Variants in CACNB2 observed in about 807,000 individuals in gnomAD.
CACNB2 encodes voltage-dependent L-type calcium channel subunit beta-2.
A neutral mutation model predicts 73.3 loss-of-function variants in CACNB2; 42 were observed. The observed-to-expected ratio is 0.57, with a 90% CI of 0.45 to 0.74. The LOEUF is 0.74. CACNB2 is among the 30% of genes least tolerant of loss of function. CACNB2 has a pLI of 0.00. For missense variants in CACNB2, 940 were observed against 853.0 expected (o/e 1.10, Z -1.27); for synonymous variants, 348 against 310.3 (o/e 1.12, Z -1.28).
chr10:18,414,583 C>A (rs1168306667), intron 3 of CACNB2, among the ~76,000 whole-genome samples: 2 of 148,276 alleles, frequency 1.3e-5, no homozygotes, highest in Non-Finnish European at 1.5e-5. Context: ...CTCCCGAGTT[C>A]AAGCAATTCT....
At chr10:18,152,403 C>G (rs576822206) in intron 2 of CACNB2, among the ~76,000 whole-genome samples, 8 of 152,152 alleles carry the variant, frequency 5.3e-5, no homozygotes, top group Non-Finnish European at 1.2e-4. Flanking sequence ...AAAGATGAAG[C>G]CACGTGAGGC....
In CACNB2 at chr10:18,250,532, TC is replaced by T. The variant is rs1204429567; in HGVS notation, c.213+99558del. 7.6e-4 allele frequency among the ~76,000 whole-genome samples: 108 copies of T among 142,234 alleles called. 1 individual carries two copies. The highest frequency in any genetic ancestry group is 2.6e-3 in the African/African-American group (106 of 40,498). The allele number at this position is 142,234 out of a possible 152,430, so 93.3% of individuals were successfully genotyped here. On this transcript the variant is annotated intron_variant, in intron 2 of 13. Coordinates refer to ENST00000324631, the MANE Select transcript of CACNB2 (RefSeq NM_201596.3). ...CTGCCTATTGTCAATTTTATCTCTC[TC>T]TTTTTTTTTTTTTTGAAAGTTGTCC...
intron 2 of CACNB2, among the ~76,000 whole-genome samples, chr10:18,359,749 C>A (rs1352835675): frequency 6.6e-6 from 1 of 152,050 alleles, no homozygotes; most frequent in African/African-American, 2.4e-5. Flanking sequence ...GCTGTCCCTC[C>A]TCTAGCCCCC....
intron 2 of CACNB2, among the ~76,000 whole-genome samples, chr10:18,185,955 G>A (rs1173297834): frequency 2.6e-5 from 4 of 152,074 alleles, no homozygotes; most frequent in Non-Finnish European, 4.4e-5. Flanking sequence ...ATCGTAAGGT[G>A]ATAAAGAATG....
At chr10:18,362,974 TA>T (rs1434211409) in intron 2 of CACNB2, among the ~76,000 whole-genome samples, 1 of 152,068 alleles carries the variant, frequency 6.6e-6, no homozygotes, top group Non-Finnish European at 1.5e-5. Context: ...AGGTCTTCAT[TA>T]AGTGACTTCA....
intron 2 of CACNB2, among the ~76,000 whole-genome samples, chr10:18,285,530 C>A (rs1328428391): frequency 6.6e-6 from 1 of 152,152 alleles, no homozygotes; most frequent in African/African-American, 2.4e-5. Context: ...ACATGGCAGC[C>A]CCAGCAGCTA....
chr10:18,353,325 G>A (rs776139659), intron 2 of CACNB2, among the ~76,000 whole-genome samples: 6 of 151,930 alleles, frequency 3.9e-5, no homozygotes, highest in Non-Finnish European at 8.8e-5. Flanking sequence ...CAGGAGAATC[G>A]CTTGAACCTG....
intron 2 of CACNB2, among the ~76,000 whole-genome samples, chr10:18,179,224 A>T (rs768371112): frequency 1.3e-5 from 2 of 152,190 alleles, no homozygotes; most frequent in South Asian, 4.1e-4. Context: ...AACATATATG[A>T]GGAAGTCTGG....
intron 3 of CACNB2, among the ~76,000 whole-genome samples, chr10:18,490,623 C>A (rs556974465): frequency 6.6e-6 from 1 of 152,200 alleles, no homozygotes; most frequent in South Asian, 2.1e-4. Context: ...AAATGAAGGA[C>A]CATATTGTCT....
At chr10:18,442,951 T>TAC (rs1564553472) in intron 3 of CACNB2, among the ~76,000 whole-genome samples, 49 of 19,754 alleles carry the variant, frequency 2.5e-3, no homozygotes, top group African/African-American at 5.9e-3. Context: ...TGTGTATATA[T>TAC]ATATATGTAT....
At chr10:18,259,290 G>A (rs1467674197) in intron 2 of CACNB2, among the ~76,000 whole-genome samples, 1 of 152,136 alleles carries the variant, frequency 6.6e-6, no homozygotes, top group East Asian at 1.9e-4. Flanking sequence ...TAAAGGCCAG[G>A]CATGGTGACT....
intron 2 of CACNB2, among the ~76,000 whole-genome samples, chr10:18,307,098 GA>G (rs929162109): frequency 2.7e-4 from 40 of 147,958 alleles, no homozygotes; most frequent in Non-Finnish European, 4.8e-4. Context: ...AAATGGTGGA[GA>G]AAAAAAAAAT....
intron 3 of CACNB2, among the ~76,000 whole-genome samples, chr10:18,402,691 C>T (rs1039110729): frequency 3.9e-5 from 6 of 152,150 alleles, no homozygotes; most frequent in African/African-American, 1.4e-4. Context: ...TCATTTCAGT[C>T]ATTGCAGTGA....
intron 2 of CACNB2, among the ~76,000 whole-genome samples, chr10:18,170,153 G>A (rs1433976657): frequency 6.6e-6 from 1 of 152,214 alleles, no homozygotes; most frequent in African/African-American, 2.4e-5. Context: ...CAAGCCATAA[G>A]TTCACTTTAG....
chr10:18,150,855 C>CTTTTTGTTTTT, intron 1 of CACNB2, 28 bp from the exon 2 acceptor site: 1 of 483,390 alleles, frequency 2.1e-6, no homozygotes, highest in Non-Finnish European at 3.1e-6. Flanking sequence ...TCTTATTTGT[C>CTTTTTGTTTTT]TTTTTTTTTT....
chr10:18,283,731 A>G lies in CACNB2; in HGVS notation c.214-118193A>G, dbSNP rs542210995. On this transcript the variant is annotated intron_variant, in intron 2 of 13. Transcript: ENST00000324631. ...TATACCTAATGTAAATGACGAGTTA[A>G]TGGGTGCAGCACACCAACATGGCAT... Among the ~76,000 whole-genome samples, 21 of 152,130 alleles carry G rather than the reference A, an allele frequency of 1.4e-4. No individual in the cohort carries two copies. In the South Asian group the frequency reaches 4.4e-3, roughly 32 times the overall value.
chr10:18,378,442 G>C (rs1053290535), intron 2 of CACNB2, among the ~76,000 whole-genome samples: 5 of 152,152 alleles, frequency 3.3e-5, no homozygotes, highest in Admixed American at 6.5e-5. Flanking sequence ...ATTAATCAGA[G>C]CTGTAATTAT....
chr10:18,523,900 T>C (rs1169369615), intron 9 of CACNB2, among the ~76,000 whole-genome samples: 1 of 152,200 alleles, frequency 6.6e-6, no homozygotes, highest in African/African-American at 2.4e-5. Flanking sequence ...ATGCGAAAGG[T>C]TCTAGGTAGT....
chr10:18,267,433 C>A (rs2037860795), intron 2 of CACNB2, among the ~76,000 whole-genome samples: 1 of 151,994 alleles, frequency 6.6e-6, no homozygotes, highest in South Asian at 2.1e-4. Flanking sequence ...TGGTGAAACC[C>A]CATCTCTACT....
Sources: gnomAD v4.1 joint callset for allele counts (sites outside exome capture counted in the v4.1 genomes callset) on GRCh38, gnomAD v4.1.1 for gene constraint, MANE v1.5 for transcripts, NCBI Gene and HGNC (gene_info 2026-07-23, HGNC 2026-07-21) for gene names.